Variants in TMEM132C observed in about 807,000 individuals in gnomAD.
TMEM132C encodes the protein transmembrane protein 132C.
In TMEM132C, 29 loss-of-function variants were observed where a neutral mutation model predicts 61.4. The ratio of observed to expected loss-of-function variants is 0.47; its 90% CI spans 0.35 to 0.64. The LOEUF is 0.64. TMEM132C is among the 30% of genes least tolerant of loss of function. The pLI is 0.00. For missense variants in TMEM132C, 1,408 were observed against 1,476.9 expected, an observed-to-expected ratio of 0.95 and a Z score of 0.76; for synonymous variants, 656 against 633.1, an observed-to-expected ratio of 1.04 and a Z score of -0.54.
intron 4 of TMEM132C, among the ~76,000 whole-genome samples, chr12:128,640,782 G>A (rs1244535797): frequency 6.6e-6 from 1 of 152,148 alleles, no homozygotes; most frequent in East Asian, 1.9e-4. Flanking sequence ...AGCTACTGGG[G>A]AGGCTGAGGT....
At chr12:128,402,218 G>T (rs1165306323) in intron 1 of TMEM132C, among the ~76,000 whole-genome samples, 1 of 152,140 alleles carries the variant, frequency 6.6e-6, no homozygotes, top group Non-Finnish European at 1.5e-5. Flanking sequence ...GACACTTCAG[G>T]GTTTTTTTGT....
intron 3 of TMEM132C, among the ~76,000 whole-genome samples, chr12:128,613,485 C>G (rs1876703424): frequency 6.6e-6 from 1 of 152,184 alleles, no homozygotes; most frequent in South Asian, 2.1e-4. Flanking sequence ...AAGAACACAT[C>G]TCTTAGTTTG....
intron 1 of TMEM132C, among the ~76,000 whole-genome samples, chr12:128,329,197 T>G (rs74471089): frequency 0.032 from 4,943 of 152,328 alleles, 77 homozygotes; most frequent in Middle Eastern, 0.037. Flanking sequence ...ATTTCATTCT[T>G]AAAGACCGCA....
chr12:128,693,767 A>C, intron 5 of TMEM132C, 62 bp from the exon 6 acceptor site: 1 of 1,528,906 alleles, frequency 6.5e-7, no homozygotes, highest in Non-Finnish European at 8.9e-7. Flanking sequence ...AAAAACAAAA[A>C]AAGGATTGTC....
intron 8 of TMEM132C, among the ~76,000 whole-genome samples, chr12:128,699,571 CT>C (rs1294818796): frequency 6.6e-6 from 1 of 152,218 alleles, no homozygotes; most frequent in Non-Finnish European, 1.5e-5. Context: ...TGCATGGAGT[CT>C]TTCTCATGCT....
chr12:128,271,275 TAATA>T (rs1162474566), intron 1 of TMEM132C, among the ~76,000 whole-genome samples: 1 of 33,022 alleles, frequency 3.0e-5, no homozygotes, highest in Non-Finnish European at 5.3e-5. Flanking sequence ...AATATAATAA[TAATA>T]ATAATAATAA....
intron 1 of TMEM132C, among the ~76,000 whole-genome samples, chr12:128,368,767 A>G (rs1166525916): frequency 1.3e-5 from 2 of 152,160 alleles, no homozygotes; most frequent in African/African-American, 4.8e-5. Flanking sequence ...TTTATCTCAC[A>G]TCCAAGACAA....
intron 4 of TMEM132C, among the ~76,000 whole-genome samples, chr12:128,622,357 AAAAATATATATAT>A (rs1356355328): frequency 1.0e-3 from 62 of 60,232 alleles, no homozygotes; most frequent in Middle Eastern, 7.5e-3. Context: ...AAAAAAAAAA[AAAAATATATATAT>A]ATATATATAT....
intron 2 of TMEM132C, among the ~76,000 whole-genome samples, chr12:128,420,359 T>G (rs1045606986): frequency 6.6e-6 from 1 of 152,178 alleles, no homozygotes; most frequent in Non-Finnish European, 1.5e-5. Flanking sequence ...TCAAGCATGG[T>G]CTTGGCAGGG....
intron 1 of TMEM132C, among the ~76,000 whole-genome samples, chr12:128,305,186 A>C (rs1452688948): frequency 6.6e-6 from 1 of 152,094 alleles, no homozygotes; most frequent in Admixed American, 6.5e-5. Flanking sequence ...CGGCCTCGGC[A>C]ACACAGTAGG....
chr12:128,527,860 C>G (rs1322470609), intron 2 of TMEM132C, among the ~76,000 whole-genome samples: 1 of 152,136 alleles, frequency 6.6e-6, no homozygotes, highest in Non-Finnish European at 1.5e-5. Flanking sequence ...ACCACTCACT[C>G]TTTCCTAACT....
In TMEM132C at chr12:128,663,979, C is replaced by T. The variant is rs553385135; in HGVS notation, c.1306-5438C>T. Among the ~76,000 whole-genome samples the T allele has an allele frequency of 1.4e-3, 202 of 146,448 alleles. 2 individuals carry two copies. Among genetic ancestry groups the T allele is most frequent in the Non-Finnish European group, 2.3e-3 (154 of 66,164 alleles). On this transcript the variant is annotated intron_variant, in intron 4 of 8. Coordinates refer to ENST00000435159, the MANE Select transcript of TMEM132C (RefSeq NM_001136103.3). ...ACACATACAGGCACATGCACCCACA[C>T]GCACGCACGCGGGCACTCACACAGG...
intron 1 of TMEM132C, among the ~76,000 whole-genome samples, chr12:128,321,277 C>T (rs549677353): frequency 6.6e-6 from 1 of 152,038 alleles, no homozygotes; most frequent in South Asian, 2.1e-4. Flanking sequence ...AAACCGTGTA[C>T]CATGGAATAC....
intron 1 of TMEM132C, among the ~76,000 whole-genome samples, chr12:128,309,693 T>C (rs887481892): frequency 1.3e-5 from 2 of 152,154 alleles, no homozygotes; most frequent in Admixed American, 6.5e-5. Context: ...TCATCTGTGC[T>C]GTAAAATATA....
chr12:128,367,988 A>G (rs1289046411), intron 1 of TMEM132C, among the ~76,000 whole-genome samples: 2 of 152,142 alleles, frequency 1.3e-5, no homozygotes, highest in Non-Finnish European at 2.9e-5. Flanking sequence ...GACTTTGGAG[A>G]TGAAAGAGGT....
chr12:128,507,469 C>T (rs1439193275), intron 2 of TMEM132C, among the ~76,000 whole-genome samples: 1 of 138,230 alleles, frequency 7.2e-6, no homozygotes, highest in Non-Finnish European at 1.5e-5. Flanking sequence ...GATGAAAATC[C>T]AAAGGACAGG....
intron 2 of TMEM132C, among the ~76,000 whole-genome samples, chr12:128,491,170 C>T (rs1191666344): frequency 6.6e-6 from 1 of 152,170 alleles, no homozygotes; most frequent in East Asian, 1.9e-4. Context: ...GAACAAACTG[C>T]ACCACTGCAG....
chr12:128,323,772 G>A (rs747178931), intron 1 of TMEM132C, among the ~76,000 whole-genome samples: 9 of 152,216 alleles, frequency 5.9e-5, no homozygotes, highest in Admixed American at 2.6e-4. Flanking sequence ...GCCTGATTGC[G>A]TATGCTCAGC....
At chr12:128,473,155 T>C (rs1205453784) in intron 2 of TMEM132C, among the ~76,000 whole-genome samples, 2 of 137,314 alleles carry the variant, frequency 1.5e-5, no homozygotes, top group Non-Finnish European at 3.3e-5. Flanking sequence ...AGCCACTATC[T>C]TCATCTTCAC....
Sources: allele counts gnomAD v4.1 joint callset (sites outside exome capture counted in the v4.1 genomes callset), GRCh38; gene constraint gnomAD v4.1.1; transcripts MANE v1.5; gene names NCBI Gene and HGNC (gene_info 2026-07-23, HGNC 2026-07-21).